The following CPXM2 variants were observed in gnomAD, a reference collection of about 807,000 sequenced individuals.
CPXM2 encodes the protein inactive carboxypeptidase-like protein X2.
In CPXM2, 66 loss-of-function variants were observed where a neutral mutation model predicts 86.1. The ratio of observed to expected loss-of-function variants is 0.77; its 90% CI spans 0.63 to 0.94. CPXM2 has a LOEUF of 0.94. Among genes scored for constraint, CPXM2 ranks in the 40% least tolerant of loss-of-function variants. CPXM2 has a pLI of 0.00. For missense variants in CPXM2, 948 were observed against 1,026.3 expected (o/e 0.92, Z 1.04); for synonymous variants, 388 against 400.2 (o/e 0.97, Z 0.36).
At chr10:123,909,190 G>A (rs957530896) in intron 2 of CPXM2, among the ~76,000 whole-genome samples, 3 of 151,952 alleles carry the variant, frequency 2.0e-5, no homozygotes, top group South Asian at 2.1e-4. Context: ...CTCGGGACAC[G>A]GGCTTCCCTC....
At chr10:123,909,309 G>A (rs1288845763) in intron 2 of CPXM2, among the ~76,000 whole-genome samples, 1 of 152,208 alleles carries the variant, frequency 6.6e-6, no homozygotes. Flanking sequence ...CCCTCAGCAA[G>A]TCCACCTCCT....
chr10:123,910,164 T>C (rs1390307531), intron 2 of CPXM2, among the ~76,000 whole-genome samples: 1 of 152,122 alleles, frequency 6.6e-6, no homozygotes, highest in Non-Finnish European at 1.5e-5. Flanking sequence ...CACCTGCACA[T>C]TCGCGCCCCT....
intron 2 of CPXM2, among the ~76,000 whole-genome samples, chr10:123,869,288 G>A (rs915598515): frequency 1.3e-5 from 2 of 152,126 alleles, no homozygotes; most frequent in Non-Finnish European, 1.5e-5. Context: ...ACAATTAATC[G>A]CTCAGTGACT....
At chr10:123,840,892 C>T (rs1024472379) in intron 4 of CPXM2, among the ~76,000 whole-genome samples, 28 of 152,176 alleles carry the variant, frequency 1.8e-4, no homozygotes, top group African/African-American at 6.3e-4. Context: ...TTATTAATGT[C>T]GACCTTCCAG....
At chr10:123,847,538 A>G (rs1295647990) in intron 3 of CPXM2, among the ~76,000 whole-genome samples, 12 of 152,184 alleles carry the variant, frequency 7.9e-5, no homozygotes, top group Admixed American at 7.2e-4. Context: ...AAAAAAAAGA[A>G]AAAGAATTGA....
rs1425689744 is a variant in CPXM2 at position 123,752,632 on chromosome 10, A to G, written c.2017+2031T>C. 4.1e-6 allele frequency: 4 copies of G among 985,024 alleles called. No homozygotes were observed. In the East Asian group the frequency reaches 4.5e-4, roughly 112 times the overall value. 61.0% of individuals were successfully genotyped at this position (985,024 alleles called of 1,614,324 possible). A position where few individuals can be genotyped will look rare whatever the true frequency, so the allele number is the denominator to read the frequency against. ...GATCTTTTGTTGGCACGACAGGATC[A>G]TGGGAACAGTTTGCAGAGAAGGAGC... On this transcript the variant is annotated intron_variant, in intron 13 of 13. Coordinates refer to ENST00000241305, the MANE Select transcript of CPXM2 (RefSeq NM_198148.3).
chr10:123,938,521 T>C (rs1945744394), intron 2 of CPXM2, among the ~76,000 whole-genome samples: 1 of 152,194 alleles, frequency 6.6e-6, no homozygotes, highest in Non-Finnish European at 1.5e-5. Context: ...GGAACAATTT[T>C]CCCAATAGTC....
chr10:123,824,417 C>T (rs931791401), intron 4 of CPXM2, among the ~76,000 whole-genome samples: 1 of 152,150 alleles, frequency 6.6e-6, no homozygotes, highest in Non-Finnish European at 1.5e-5. Context: ...TCAACCATTC[C>T]TTCAACCTGG....
At chr10:123,823,706 G>T (rs182290369) in intron 4 of CPXM2, among the ~76,000 whole-genome samples, 1 of 152,240 alleles carries the variant, frequency 6.6e-6, no homozygotes, top group Admixed American at 6.5e-5. Flanking sequence ...GTTAGAGGTT[G>T]GTCAATAAGA....
chr10:123,938,176 G>T (rs1255746071), intron 2 of CPXM2, among the ~76,000 whole-genome samples: 3 of 152,108 alleles, frequency 2.0e-5, no homozygotes, highest in Non-Finnish European at 1.5e-5. Context: ...ACAATCACTA[G>T]GAGGTCTTTT....
intron 1 of CPXM2, among the ~76,000 whole-genome samples, chr10:123,887,848 T>C (rs144100051): frequency 7.2e-4 from 110 of 152,342 alleles, no homozygotes; most frequent in Non-Finnish European, 1.2e-3. Flanking sequence ...CTCAGTGTAC[T>C]ATTTTTGCAA....
chr10:123,848,261 CACTGCT>C (rs899546361), intron 3 of CPXM2, among the ~76,000 whole-genome samples: 18 of 152,078 alleles, frequency 1.2e-4, no homozygotes, highest in African/African-American at 3.9e-4. Flanking sequence ...TGTAATAAAC[CACTGCT>C]ATAAACCCAT....
chr10:123,829,637 G>C (rs933290769), intron 4 of CPXM2, among the ~76,000 whole-genome samples: 2 of 152,228 alleles, frequency 1.3e-5, no homozygotes, highest in East Asian at 3.9e-4. Flanking sequence ...AAGATCAACA[G>C]AAATTTTTCA....
intron 4 of CPXM2, among the ~76,000 whole-genome samples, chr10:123,818,749 T>C (rs1564784394): frequency 6.6e-6 from 1 of 152,304 alleles, no homozygotes; most frequent in East Asian, 1.9e-4. Flanking sequence ...GAATGGCCTT[T>C]TGAAGTCACA....
chr10:123,799,016 A>C (rs1847395909), intron 5 of CPXM2, 99 bp downstream of exon 5: 2 of 1,384,076 alleles, frequency 1.4e-6, no homozygotes, highest in Admixed American at 1.7e-5. Flanking sequence ...TTGACAGAGA[A>C]TCCACAAATC....
intron 2 of CPXM2, among the ~76,000 whole-genome samples, chr10:123,877,703 G>A (rs905929142): frequency 1.3e-5 from 2 of 152,178 alleles, no homozygotes; most frequent in Admixed American, 1.3e-4. Flanking sequence ...AAAGGGTGTG[G>A]ACATGAGAAG....
chr10:123,925,936 C>G (rs187173976), intron 2 of CPXM2, among the ~76,000 whole-genome samples: 5 of 152,276 alleles, frequency 3.3e-5, no homozygotes, highest in Non-Finnish European at 7.3e-5. Flanking sequence ...CAAAAGTGCC[C>G]TATTTTCACT....
intron 1 of CPXM2, among the ~76,000 whole-genome samples, chr10:123,886,103 G>A (rs540849883): frequency 3.3e-5 from 5 of 152,260 alleles, no homozygotes; most frequent in South Asian, 4.2e-4. Flanking sequence ...AGGAAATGAC[G>A]TCCTCTCCCT....
chr10:123,836,752 G>A (rs928978889), intron 4 of CPXM2, among the ~76,000 whole-genome samples: 1 of 152,166 alleles, frequency 6.6e-6, no homozygotes, highest in African/African-American at 2.4e-5. Flanking sequence ...CCTGAGCACT[G>A]CTCCCCACCT....
Sources: allele counts gnomAD v4.1 joint callset (sites outside exome capture counted in the v4.1 genomes callset), GRCh38; gene constraint gnomAD v4.1.1; transcripts MANE v1.5; gene names NCBI Gene and HGNC (gene_info 2026-07-23, HGNC 2026-07-21).